LRRC24: variants seen among roughly 807,000 people sequenced by gnomAD.
LRRC24 encodes the protein leucine rich repeat containing 24.
LRRC24 carries 19 observed loss-of-function variants against 15.3 expected under a neutral mutation model. That is an observed-to-expected ratio of 1.25 (90% CI 0.87 to 1.83). The LOEUF (loss-of-function observed/expected upper bound fraction) is 1.83. Ranked by LOEUF, LRRC24 falls within the 40% of genes most tolerant of loss-of-function variation. LRRC24 has a pLI of 0.00. For missense variants in LRRC24, 914 were observed against 723.9 expected (o/e 1.26, Z -3.01); for synonymous variants, 469 against 359.6 (o/e 1.30, Z -3.44).
chr8:144,522,705 GC>G lies in LRRC24; in HGVS notation c.1311del (p.Pro438LeufsTer22). 3 of 1,596,026 alleles carry G rather than the reference GC, an allele frequency of 1.9e-6. No individual in the cohort carries two copies. Among genetic ancestry groups the G allele is most frequent in the African/African-American group, 1.4e-5 (1 of 73,862 alleles). ...ACGAACAGCGCTCCCTCCCCCGGAG[GC>G]CCCCGCGCCTTTTTTCGCCTGCGGC... ...RRRRRRKKAR[G>X]PPGEGALFVN... is the part of the protein sequence containing the mutation. On this transcript the variant is annotated frameshift_variant, in exon 5 of 5. Coordinates refer to ENST00000529415, the MANE Select transcript of LRRC24 (RefSeq NM_001024678.4). LOFTEE classifies it low-confidence loss of function (END_TRUNC).
In LRRC24 at chr8:144,522,425, G is replaced by C. The variant is rs1165267109; in HGVS notation, c.*50C>G. The C allele has an allele frequency of 2.2e-6, 3 of 1,381,530 alleles. No individual in the cohort carries two copies. The highest frequency in any genetic ancestry group is 2.8e-6 in the Non-Finnish European group (3 of 1,075,888). 85.6% of individuals were successfully genotyped at this position (1,381,530 alleles called of 1,614,324 possible). On this transcript the variant is annotated 3_prime_UTR_variant, in exon 5 of 5. Transcript: ENST00000529415. Reference sequence around the variant, plus strand: ...ACCTTTACTGACGGAGCATGCGCGAGGCCGCACCGGCCAATCTCCGGCGCC... The same window carrying C: ...ACCTTTACTGACGGAGCATGCGCGACGCCGCACCGGCCAATCTCCGGCGCC...
At position 144,524,456 on chromosome 8, in the gene LRRC24, G is replaced by A. The variant is rs750784239; in HGVS notation, c.423C>T (p.Thr141=). The A allele has an allele frequency of 6.3e-6, 10 of 1,597,890 alleles. No homozygotes were observed. Among genetic ancestry groups the A allele is most frequent in the African/African-American group, 2.7e-5 (2 of 74,940 alleles). ...AGGCGCTCACCGGCAGGTGCAAGAAGGTGAAATCCAGCAGCCGCGCCAGCT... is the reference window on the plus strand; with the variant it reads ...AGGCGCTCACCGGCAGGTGCAAGAAAGTGAAATCCAGCAGCCGCGCCAGCT... ...GNQLARLLDF[T]FLHLPRLQEL... Residue 141 remains threonine (T), a synonymous_variant, in exon 3 of 5, where the codon ACC becomes ACT. Transcript: ENST00000529415.
At chr8:144,523,567 TCCTTGGGGCGGCAGGC>T in intron 4 of LRRC24, 158 bp from the exon 5 acceptor site, 1 of 1,206,170 alleles carries the variant, frequency 8.3e-7, no homozygotes, top group Non-Finnish European at 1.1e-6. Context: ...GACCCCAAGC[TCCTTGGGGCGGCAGGC>T]CCTTCACCCT....
At chr8:144,526,310 TGGG>T (rs1304777475) in intron 1 of LRRC24, 5 of 152,204 alleles carry the variant, frequency 3.3e-5, no homozygotes, top group South Asian at 2.1e-4. Context: ...CCCAAGAAGT[TGGG>T]GGCGTTATCT....
Position 144,522,583 on chromosome 8 carries a change from C to T in LRRC24, c.1434G>A (p.Pro478=). The change falls in exon 5 of 5, where the codon CCG becomes CCA. Residue 478 remains proline, a synonymous_variant. Transcript: ENST00000529415. ...CCTCCGCCGGACCCTCGGCGAAGAG[C>T]GGCTTGGAGCGGTTGATGACGAACA... ...HEMFVINRSK[P]LFAEGPAEAP... The T allele has an allele frequency of 1.3e-6, 2 of 1,553,174 alleles. No individual in the cohort carries two copies. Among genetic ancestry groups the T allele is most frequent in the South Asian group, 1.2e-5 (1 of 84,348 alleles).
chr8:144,524,078 C>G, intron 4 of LRRC24, 32 bp downstream of exon 4: 2 of 1,588,498 alleles, frequency 1.3e-6, no homozygotes, highest in Non-Finnish European at 1.7e-6. Flanking sequence ...ACACCGTGGC[C>G]CAGACAGAGA....
At chr8:144,526,392 C>G (rs1294433381) in intron 1 of LRRC24, 1 of 152,234 alleles carries the variant, frequency 6.6e-6, no homozygotes, top group African/African-American at 2.4e-5. Context: ...CCCACTCAGC[C>G]TCCCCCAGGA....
In LRRC24 at chr8:144,523,260, T is replaced by G. The variant is rs1490183375; in HGVS notation, c.757A>C (p.Ser253Arg). Residue 253 changes from serine to arginine, a missense_variant, in exon 5 of 5, where the codon AGC (serine) becomes CGC (arginine). Coordinates refer to ENST00000529415, the MANE Select transcript of LRRC24 (RefSeq NM_001024678.4). The part of the protein sequence containing the change: ...ALQSLLDVSH[S>R]SLICIPPSVH... ...GAGGGCGGAATGCAGATGAGGCTGCTGTGGGATACGTCCAGGAGACTCTGG... is the reference window on the plus strand; with the variant it reads ...GAGGGCGGAATGCAGATGAGGCTGCGGTGGGATACGTCCAGGAGACTCTGG... The G allele has an allele frequency of 6.2e-7, 1 of 1,610,836 alleles. No individual in the cohort carries two copies. Among genetic ancestry groups the G allele is most frequent in the Admixed American group, 1.7e-5 (1 of 59,684 alleles).
chr8:144,524,640 TAGAGCCGGCGCA>T lies in LRRC24; in HGVS notation c.227_238del (p.Leu76_Tyr80delinsHis). ...GGCGCGCAGGCTGTTGTTGTGCAGG[TAGAGCCGGCGCA>T]GAGCGGCGAGTGGCGCCAGGGCTCC... On this transcript the variant is annotated inframe_deletion, in exon 3 of 5. Transcript: ENST00000529415. 1 of 1,515,730 alleles carries T rather than the reference TAGAGCCGGCGCA, an allele frequency of 6.6e-7. No individual in the cohort carries two copies. Among genetic ancestry groups the T allele is most frequent in the Non-Finnish European group, 8.8e-7 (1 of 1,140,424 alleles). 93.9% of individuals were successfully genotyped at this position (1,515,730 alleles called of 1,614,324 possible).
Position 144,522,658 on chromosome 8 carries a change from G to A in LRRC24, c.1359C>T (p.Pro453=). The change falls in exon 5 of 5, where the codon CCC becomes CCT. Residue 453 remains proline, a synonymous_variant. Transcript: ENST00000529415. ...GCTCCTCTAGCTGTGCGAACGTACA[G>A]GGGCCGTCCAAGTAGTCGTTGACGA... ...ALFVNDYLDG[P]CTFAQLEELR... is the part of the protein sequence containing the mutation. The A allele has an allele frequency of 1.3e-6, 2 of 1,592,260 alleles. No homozygotes were observed. The highest frequency in any genetic ancestry group is 1.7e-6 in the Non-Finnish European group (2 of 1,170,952).
chr8:144,524,049 A>C (rs1420829168), intron 4 of LRRC24, 61 bp downstream of exon 4: 26 of 1,559,060 alleles, frequency 1.7e-5, no homozygotes, highest in Non-Finnish European at 2.2e-5. Flanking sequence ...TCCACACATG[A>C]GCCTGCTCCC....
In LRRC24 at chr8:144,524,470, G is replaced by C. The variant is rs754321580; in HGVS notation, c.409C>G (p.Leu137Val). Residue 137 changes from leucine (L) to valine (V), a missense_variant, in exon 3 of 5, where the codon CTG (leucine) becomes GTG (valine). Leu to Val is a conservative substitution (Grantham distance 32). Transcript: ENST00000529415. ...LYLAGNQLAR[L>V]LDFTFLHLPR... ...AGGTGCAAGAAGGTGAAATCCAGCAGCCGCGCCAGCTGGTTGCCCGCCAGG... is the reference window on the plus strand; with the variant it reads ...AGGTGCAAGAAGGTGAAATCCAGCACCCGCGCCAGCTGGTTGCCCGCCAGG... 7 of 1,597,884 alleles carry C rather than the reference G, an allele frequency of 4.4e-6. No homozygotes were observed. The East Asian group carries it at 1.3e-4, about 31-fold the overall frequency.
rs1327452980 is a variant in LRRC24, at chr8:144,524,947, G to A, written c.28C>T (p.Pro10Ser). ...AGCGGCAGTAGTAGCAGCAGCAGCG[G>A]CAGCAGTGCGGGGGCCCTCAGGGCC... MALRAPALL[P>S]LLLLLLPLRA... The change falls in exon 2 of 5, where the codon CCG becomes TCG. Residue 10 changes from proline to serine, a missense_variant. Physicochemically the swap from Pro to Ser is moderately conservative, Grantham distance 74. Transcript: ENST00000529415. 2 of 1,504,812 alleles carry A rather than the reference G, an allele frequency of 1.3e-6. No homozygotes were observed. The highest frequency in any genetic ancestry group is 2.1e-5 in the Admixed American group (1 of 48,028). 93.2% of individuals were successfully genotyped at this position (1,504,812 alleles called of 1,614,324 possible).
Position 144,524,251 on chromosome 8 carries a change from T to A in LRRC24, c.466A>T (p.Asn156Tyr). 1 of 1,612,508 alleles carries A rather than the reference T, an allele frequency of 6.2e-7. No individual in the cohort carries two copies. The highest frequency in any genetic ancestry group is 8.5e-7 in the Non-Finnish European group (1 of 1,179,958). ...TGGTCCTCCAGCAGCTCAATGCTGT[T>A]TTCTTGCAGGTGAAGCTCCTGCAGT... ...PRLQELHLQE[N>Y]SIELLEDQAL... Residue 156 changes from asparagine (N) to tyrosine (Y), a missense_variant, in exon 4 of 5, where the codon AAC becomes TAC. Asn to Tyr is a moderately radical substitution (Grantham distance 143). Transcript: ENST00000529415.
At chr8:144,523,877 ATTCT>A in intron 4 of LRRC24, 1 of 565,060 alleles carries the variant, frequency 1.8e-6, no homozygotes, top group Non-Finnish European at 3.1e-6. Context: ...AGAACCCTCA[ATTCT>A]GTTAAGTCAC....
intron 2 of LRRC24, 38 bp from the exon 3 acceptor site, chr8:144,524,757 CG>C: frequency 7.0e-7 from 1 of 1,433,454 alleles, no homozygotes; most frequent in Non-Finnish European, 9.1e-7. Flanking sequence ...TACCCCGTTG[CG>C]GGGGTCTTCC....
At position 144,523,294 on chromosome 8, in the gene LRRC24, G is replaced by A; in HGVS notation, c.723C>T (p.Arg241=). Residue 241 remains arginine (R), a synonymous_variant, in exon 5 of 5, where the codon CGC becomes CGT. Coordinates refer to ENST00000529415, the MANE Select transcript of LRRC24 (RefSeq NM_001024678.4). ...DRKIMCAEPP[R]LALQSLLDVS... ...CGTCCAGGAGACTCTGGAGCGCCAGGCGCGGGGGCTCTGCACACATGATCT... is the reference window on the plus strand; with the variant it reads ...CGTCCAGGAGACTCTGGAGCGCCAGACGCGGGGGCTCTGCACACATGATCT... 1 of 1,610,960 alleles carries A rather than the reference G, an allele frequency of 6.2e-7. No individual in the cohort carries two copies. Among genetic ancestry groups the A allele is most frequent in the Non-Finnish European group, 8.5e-7 (1 of 1,179,222 alleles).
chr8:144,522,904 C>T lies in LRRC24; in HGVS notation c.1113G>A (p.Gln371=). 2 of 1,344,368 alleles carry T rather than the reference C, an allele frequency of 1.5e-6. No homozygotes were observed. The highest frequency in any genetic ancestry group is 1.9e-6 in the Non-Finnish European group (2 of 1,053,748). The allele number at this position is 1,344,368 out of a possible 1,614,324, so 83.3% of individuals were successfully genotyped here. ...CGGCCGGAGGCGGCGGTTGCGCGGG[C>T]TGCTGCGGCTGCTGCCGGGACGCGT... ...LVNASRQQPQ[Q]PAQPPPPAAR... Residue 371 remains glutamine, a synonymous_variant, in exon 5 of 5, where the codon CAG becomes CAA. Transcript: ENST00000529415.
chr8:144,525,267 G>C (rs1043784188), intron 1 of LRRC24: 1 of 276,048 alleles, frequency 3.6e-6, no homozygotes, highest in African/African-American at 2.2e-5. Flanking sequence ...TGTAGGGAGA[G>C]CCACCCAACC....
Sources: gnomAD v4.1 joint callset for allele counts on GRCh38, gnomAD v4.1.1 for gene constraint, MANE v1.5 for transcripts, NCBI Gene and HGNC (gene_info 2026-07-23, HGNC 2026-07-21) for gene names.